Variants in ARHGAP31 observed in about 807,000 individuals in gnomAD.
The protein encoded by ARHGAP31 is rho GTPase-activating protein 31.
In ARHGAP31, 34 loss-of-function variants were observed where a neutral mutation model predicts 113.9. The observed-to-expected ratio is 0.30, with a 90% confidence interval of 0.23 to 0.40. ARHGAP31 has a LOEUF of 0.40. Among genes scored for constraint, ARHGAP31 ranks in the 10% least tolerant of loss-of-function variants. The pLI is 1.00. For synonymous variants in ARHGAP31, 650 were observed against 684.8 expected, an observed-to-expected ratio of 0.95 and a Z score of 0.79; for missense variants, 1,548 against 1,767.1, an observed-to-expected ratio of 0.88 and a Z score of 2.22.
At chr3:119,355,634 T>C (rs112645456) in intron 1 of ARHGAP31, among the ~76,000 whole-genome samples, 14,834 of 152,096 alleles carry the variant, frequency 0.098, 947 homozygotes, top group South Asian at 0.24. Flanking sequence ...ATCCCTCCCC[T>C]ATCCCCCCAT....
chr3:119,340,458 A>G (rs1184663475), intron 1 of ARHGAP31, among the ~76,000 whole-genome samples: 2 of 152,248 alleles, frequency 1.3e-5, no homozygotes, highest in African/African-American at 4.8e-5. Flanking sequence ...ATCTAAGTCC[A>G]GCAGGATTTA....
intron 1 of ARHGAP31, chr3:119,324,986 C>G (rs1161624617): frequency 1.3e-5 from 6 of 456,472 alleles, no homozygotes; most frequent in Admixed American, 9.4e-5. Flanking sequence ...CTCCTCATGT[C>G]AATAGTGGCA....
At chr3:119,334,211 C>A (rs1336185825) in intron 1 of ARHGAP31, among the ~76,000 whole-genome samples, 5 of 152,124 alleles carry the variant, frequency 3.3e-5, no homozygotes, top group Non-Finnish European at 7.4e-5. Context: ...GGCTCCCCCT[C>A]ATCTCCTGTT....
chr3:119,364,371 A>G (rs1188342289), intron 1 of ARHGAP31, among the ~76,000 whole-genome samples: 3 of 152,138 alleles, frequency 2.0e-5, no homozygotes, highest in Non-Finnish European at 2.9e-5. Flanking sequence ...AACTGAATTT[A>G]CAATGTATAT....
At chr3:119,398,397 A>G (rs1312355387) in intron 8 of ARHGAP31, among the ~76,000 whole-genome samples, 1 of 152,236 alleles carries the variant, frequency 6.6e-6, no homozygotes, top group African/African-American at 2.4e-5. Flanking sequence ...CTTAAGGGCT[A>G]CTAGTCCTGG....
intron 1 of ARHGAP31, among the ~76,000 whole-genome samples, chr3:119,343,236 T>C (rs1047351143): frequency 3.6e-4 from 55 of 152,132 alleles, no homozygotes; most frequent in Admixed American, 5.2e-4. Context: ...AAGAGCAGTA[T>C]AGAAAGCTGG....
intron 1 of ARHGAP31, among the ~76,000 whole-genome samples, chr3:119,332,269 G>A (rs2079897765): frequency 1.3e-5 from 2 of 151,480 alleles, no homozygotes; most frequent in Non-Finnish European, 2.9e-5. Context: ...GCATGATCTC[G>A]GCTCACTGCA....
intron 8 of ARHGAP31, among the ~76,000 whole-genome samples, 162 bp downstream of exon 8, chr3:119,393,753 A>C (rs2080524292): frequency 6.6e-6 from 1 of 152,214 alleles, no homozygotes; most frequent in Non-Finnish European, 1.5e-5. Flanking sequence ...TAGACTTACC[A>C]AAAAAATTGC....
chr3:119,305,361 A>G (rs544072285), intron 1 of ARHGAP31, among the ~76,000 whole-genome samples: 1 of 152,334 alleles, frequency 6.6e-6, no homozygotes, highest in South Asian at 2.1e-4. Context: ...TTAGGTTCCA[A>G]ATGGCAGGAT....
At chr3:119,376,739 G>A (rs550080765) in intron 3 of ARHGAP31, among the ~76,000 whole-genome samples, 2 of 146,726 alleles carry the variant, frequency 1.4e-5, no homozygotes, top group South Asian at 4.4e-4. Flanking sequence ...CAGCCTGGGT[G>A]ACAGAGTGAG....
In ARHGAP31 at chr3:119,412,244, C is replaced by T. The variant is rs546338319; in HGVS notation, c.1927-1612C>T. 1.4e-3 allele frequency among the ~76,000 whole-genome samples: 209 copies of T among 152,062 alleles called. 1 individual carries two copies. The highest frequency in any genetic ancestry group is 4.6e-3 in the African/African-American group (189 of 41,468). On this transcript the variant is annotated intron_variant, in intron 11 of 11. Transcript: ENST00000264245. ...TCTCTACTAAAAATACAAAATTAGC[C>T]GGGTGTGGTGGCACATGCCTGTAAT...
At chr3:119,303,127 C>T (rs1175454034) in intron 1 of ARHGAP31, among the ~76,000 whole-genome samples, 1 of 152,184 alleles carries the variant, frequency 6.6e-6, no homozygotes, top group Non-Finnish European at 1.5e-5. Context: ...ATGGTGAGTT[C>T]CCCCGAAGGC....
chr3:119,368,356 G>C lies in ARHGAP31; in HGVS notation c.204-16G>C. 1 of 1,613,998 alleles carries C rather than the reference G, an allele frequency of 6.2e-7. No homozygotes were observed. The highest frequency in any genetic ancestry group is 1.3e-5 in the African/African-American group (1 of 75,024). On this transcript the variant is annotated splice_polypyrimidine_tract_variant and intron_variant, in intron 2 of 11. Coordinates refer to ENST00000264245, the MANE Select transcript of ARHGAP31 (RefSeq NM_020754.4). ...CACTCCCTGGGATTGTTATGTCTCC[G>C]TCTGTGTTGTTTCAGGCAAGAGTTT... is the stretch of plus-strand genomic sequence containing the variant.
At position 119,316,747 on chromosome 3, in the gene ARHGAP31, T is replaced by A. The variant is rs780676327; in HGVS notation, c.100+21743T>A. Among the ~76,000 whole-genome samples, 12 of 152,336 alleles carry A rather than the reference T, an allele frequency of 7.9e-5. No homozygotes were observed. The East Asian group carries it at 1.7e-3, about 22-fold the overall frequency. ...GGCCTCAGAGGGAAGGCTCTAGGGT[T>A]CCCCACCCTGCTTCAGCCAAAGAAC... is the stretch of plus-strand genomic sequence containing the variant. On this transcript the variant is annotated intron_variant, in intron 1 of 11. Transcript: ENST00000264245.
intron 1 of ARHGAP31, 82 bp downstream of exon 1, chr3:119,295,086 G>A: frequency 7.6e-7 from 1 of 1,309,372 alleles, no homozygotes; most frequent in Non-Finnish European, 1.1e-6. Flanking sequence ...TTGTGATAGA[G>A]TCGGTTCACA....
intron 9 of ARHGAP31, among the ~76,000 whole-genome samples, chr3:119,399,527 A>T (rs116811521): frequency 0.013 from 2,011 of 152,336 alleles, 43 homozygotes; most frequent in African/African-American, 0.046. Flanking sequence ...GCTACTTTTC[A>T]TTCAAACCTG....
At chr3:119,336,722 T>C (rs571978381) in intron 1 of ARHGAP31, among the ~76,000 whole-genome samples, 4 of 152,364 alleles carry the variant, frequency 2.6e-5, no homozygotes, top group South Asian at 4.1e-4. Context: ...TATAATCATA[T>C]GCTATACAAC....
intron 7 of ARHGAP31, among the ~76,000 whole-genome samples, chr3:119,392,501 C>T (rs542859246): frequency 3.3e-5 from 5 of 152,336 alleles, no homozygotes; most frequent in East Asian, 3.9e-4. Flanking sequence ...GGATGTTCCA[C>T]GAGAGCCCTG....
At chr3:119,368,273 C>T in intron 2 of ARHGAP31, 99 bp from the exon 3 acceptor site, 1 of 1,452,250 alleles carries the variant, frequency 6.9e-7, no homozygotes, top group Non-Finnish European at 9.6e-7. Flanking sequence ...TAGTCAGAAT[C>T]AGCAGTTTAG....
Sources: gnomAD v4.1 joint callset for allele counts (sites outside exome capture counted in the v4.1 genomes callset) on GRCh38, gnomAD v4.1.1 for gene constraint, MANE v1.5 for transcripts, NCBI Gene and HGNC (gene_info 2026-07-23, HGNC 2026-07-21) for gene names.